Variants in NRG1 observed in about 807,000 individuals in gnomAD.
The protein encoded by NRG1 is neuregulin 1.
In NRG1, 18 loss-of-function variants were observed where a neutral mutation model predicts 63.8. That is an observed-to-expected ratio of 0.28 (90% confidence interval 0.19 to 0.42). The LOEUF is 0.42. Ranked by LOEUF, NRG1 falls within the 10% of genes least tolerant of loss-of-function variation. NRG1 has a pLI of 1.00. For missense variants in NRG1, 762 were observed against 814.7 expected, an observed-to-expected ratio of 0.94 and a Z score of 0.79; for synonymous variants, 302 against 301.3, an observed-to-expected ratio of 1.00 and a Z score of -0.02.
chr8:32,450,096 A>G (rs1405453778), intron 1 of NRG1, among the ~76,000 whole-genome samples: 2 of 152,240 alleles, frequency 1.3e-5, no homozygotes, highest in Non-Finnish European at 2.9e-5. Flanking sequence ...TAAATATGAT[A>G]GAGCGAAGAT....
At chr8:32,490,473 G>A (rs1297464064) in intron 1 of NRG1, among the ~76,000 whole-genome samples, 3 of 113,820 alleles carry the variant, frequency 2.6e-5, no homozygotes, top group African/African-American at 6.7e-5. Flanking sequence ...TGATATGCAG[G>A]ACTGTTCTTG....
At chr8:32,477,418 A>C (rs1824663300) in intron 1 of NRG1, among the ~76,000 whole-genome samples, 1 of 152,166 alleles carries the variant, frequency 6.6e-6, no homozygotes, top group Non-Finnish European at 1.5e-5. Context: ...TTCCTCCAAA[A>C]CGTTTTTCTC....
chr8:32,706,626 A>G (rs2128972735), intron 5 of NRG1, among the ~76,000 whole-genome samples: 1 of 152,122 alleles, frequency 6.6e-6, no homozygotes, highest in Non-Finnish European at 1.5e-5. Context: ...TGTTTTAAGG[A>G]ATATTTGATT....
intron 1 of NRG1, among the ~76,000 whole-genome samples, chr8:32,565,139 C>G (rs914645990): frequency 6.6e-6 from 1 of 152,146 alleles, no homozygotes; most frequent in Admixed American, 6.5e-5. Flanking sequence ...CATTCCCATT[C>G]CCCTGTCAGT....
chr8:31,877,255 C>T (rs949917414), intron 1 of NRG1, among the ~76,000 whole-genome samples: 4 of 152,098 alleles, frequency 2.6e-5, no homozygotes, highest in African/African-American at 9.7e-5. Context: ...TCCGAAGACA[C>T]CAGCAACATT....
chr8:32,109,133 A>T (rs1399213806), intron 1 of NRG1, among the ~76,000 whole-genome samples: 2 of 152,322 alleles, frequency 1.3e-5, no homozygotes, highest in Admixed American at 1.3e-4. Context: ...AATTGCCATG[A>T]TAATAGAAAA....
At chr8:32,536,087 T>C (rs540640946) in intron 1 of NRG1, among the ~76,000 whole-genome samples, 3 of 152,352 alleles carry the variant, frequency 2.0e-5, no homozygotes, top group South Asian at 4.1e-4. Flanking sequence ...TCTTAGCATC[T>C]GGAAACAATA....
chr8:31,796,041 A>AT (rs1214778088), intron 1 of NRG1, among the ~76,000 whole-genome samples: 2 of 152,236 alleles, frequency 1.3e-5, no homozygotes, highest in East Asian at 1.9e-4. Context: ...GAAAATATAT[A>AT]TTTTAAACCA....
intron 1 of NRG1, among the ~76,000 whole-genome samples, chr8:31,889,266 A>G (rs1480706573): frequency 2.0e-5 from 3 of 152,122 alleles, no homozygotes; most frequent in African/African-American, 4.8e-5. Flanking sequence ...ATTCTCCTCC[A>G]TATATGATGC....
Position 32,434,814 on chromosome 8 carries a change from A to T in NRG1, c.38-161014A>T, listed in dbSNP as rs1046391835. Among the ~76,000 whole-genome samples, 20 of 152,356 alleles carry T rather than the reference A, an allele frequency of 1.3e-4. No homozygotes were observed. In the East Asian group the frequency reaches 1.5e-3, roughly 12 times the overall value. The stretch of plus-strand genomic sequence containing the variant: ...AGAAAATATTTGAAAAAAAAAATTT[A>T]AAATAATACAAATAAAAACAATACA... On this transcript the variant is annotated intron_variant, in intron 1 of 10. Transcript: ENST00000519301.
intron 1 of NRG1, among the ~76,000 whole-genome samples, chr8:31,678,393 C>T (rs1037082627): frequency 2.6e-5 from 4 of 152,124 alleles, no homozygotes; most frequent in Non-Finnish European, 5.9e-5. Flanking sequence ...AACATAAACA[C>T]TTATTAACAA....
intron 1 of NRG1, among the ~76,000 whole-genome samples, chr8:31,800,613 A>G (rs948357694): frequency 2.0e-5 from 3 of 152,178 alleles, no homozygotes; most frequent in Non-Finnish European, 2.9e-5. Context: ...TGCTAAACAA[A>G]CATTTCTAAA....
chr8:32,493,515 A>G (rs945125249), intron 1 of NRG1, among the ~76,000 whole-genome samples: 3 of 152,224 alleles, frequency 2.0e-5, no homozygotes, highest in African/African-American at 7.2e-5. Flanking sequence ...CTAGACATCC[A>G]GTTGAAAAAC....
chr8:31,839,580 A>C (rs1465425312), intron 1 of NRG1, among the ~76,000 whole-genome samples: 1 of 152,112 alleles, frequency 6.6e-6, no homozygotes, highest in East Asian at 1.9e-4. Context: ...CAAACTAGAA[A>C]ACCTTTCCCC....
chr8:31,851,476 C>T (rs560480465), intron 1 of NRG1, among the ~76,000 whole-genome samples: 13 of 151,994 alleles, frequency 8.6e-5, no homozygotes, highest in African/African-American at 1.9e-4. Context: ...TTAGAAGTGT[C>T]GATTTTAAAA....
chr8:32,380,632 T>G (rs1028513827), intron 1 of NRG1, among the ~76,000 whole-genome samples: 5 of 152,164 alleles, frequency 3.3e-5, no homozygotes, highest in Non-Finnish European at 5.9e-5. Context: ...ACATTACCAC[T>G]CTCCACTTAA....
intron 1 of NRG1, among the ~76,000 whole-genome samples, chr8:31,988,193 C>T (rs1810415593): frequency 6.6e-6 from 1 of 152,074 alleles, no homozygotes; most frequent in African/African-American, 2.4e-5. Context: ...TATTCACTGG[C>T]ATATCTAGTT....
intron 1 of NRG1, among the ~76,000 whole-genome samples, chr8:31,709,040 C>T (rs969629765): frequency 2.6e-5 from 4 of 152,030 alleles, no homozygotes; most frequent in African/African-American, 9.7e-5. Flanking sequence ...TTCTAGTCTG[C>T]ACAGCAAATC....
chr8:32,091,637 C>T (rs898390718), intron 1 of NRG1, among the ~76,000 whole-genome samples: 2 of 152,112 alleles, frequency 1.3e-5, no homozygotes, highest in African/African-American at 4.8e-5. Context: ...ATGGGCTCTA[C>T]AAGGGCAAGA....
Sources: allele counts gnomAD v4.1 joint callset (sites outside exome capture counted in the v4.1 genomes callset), GRCh38; gene constraint gnomAD v4.1.1; transcripts MANE v1.5; gene names NCBI Gene and HGNC (gene_info 2026-07-23, HGNC 2026-07-21).